The following TTLL1 variants were observed in gnomAD, a reference collection of about 807,000 sequenced individuals.
The protein encoded by TTLL1 is TTL family tubulin polyglutamylase complex subunit L1.
TTLL1 carries 33 observed loss-of-function variants against 47.8 expected under a neutral mutation model. The observed-to-expected ratio is 0.69, with a 90% CI of 0.52 to 0.92. TTLL1 has a LOEUF of 0.92. TTLL1 is among the 40% of genes least tolerant of loss of function. The pLI is 0.00. For missense variants in TTLL1, 488 were observed against 547.5 expected, an observed-to-expected ratio of 0.89 and a Z score of 1.08; for synonymous variants, 225 against 214.1, an observed-to-expected ratio of 1.05 and a Z score of -0.45.
At chr22:43,048,197 A>G (rs1354018602) in intron 9 of TTLL1, among the ~76,000 whole-genome samples, 1 of 151,962 alleles carries the variant, frequency 6.6e-6, no homozygotes, top group Non-Finnish European at 1.5e-5. Flanking sequence ...GGCGCCTGTA[A>G]TCCCAGCCAC....
intron 3 of TTLL1, 103 bp downstream of exon 3, chr22:43,075,371 C>T: frequency 1.1e-6 from 1 of 914,756 alleles, no homozygotes; most frequent in Non-Finnish European, 1.8e-6. Flanking sequence ...GGCACAATGA[C>T]AGGAGACAGT....
intron 10 of TTLL1, among the ~76,000 whole-genome samples, chr22:43,045,442 G>A (rs142175277): frequency 6.7e-6 from 1 of 149,164 alleles, no homozygotes. Context: ...TTTCCTTCCC[G>A]CTCTGTAAAA....
At chr22:43,063,500 C>A (rs1037682105) in intron 7 of TTLL1, among the ~76,000 whole-genome samples, 1 of 149,692 alleles carries the variant, frequency 6.7e-6, no homozygotes, top group Admixed American at 6.7e-5. Context: ...GAGTCTCGCT[C>A]AGTTGTCCAG....
At position 43,081,635 on chromosome 22, in the gene TTLL1, C is replaced by T. The variant is rs186432903; in HGVS notation, c.-89-1649G>A. ...CGCGATCTCAGCTCACTGCAACCTC[C>T]GCCTCCTGGGTTCAAGCATTCTCTG... On this transcript the variant is annotated intron_variant, in intron 1 of 10. Coordinates refer to ENST00000266254, the MANE Select transcript of TTLL1 (RefSeq NM_012263.5). Among the ~76,000 whole-genome samples the T allele has an allele frequency of 6.7e-3, 1,024 of 152,088 alleles. 10 individuals are homozygous for T. Among genetic ancestry groups the T allele is most frequent in the Non-Finnish European group, 0.01 (708 of 67,994 alleles).
chr22:43,081,253 A>C (rs1243855904), intron 1 of TTLL1, among the ~76,000 whole-genome samples: 1 of 151,930 alleles, frequency 6.6e-6, no homozygotes, highest in Admixed American at 6.6e-5. Context: ...GGGCATGCGC[A>C]TCAAAGCCCC....
intron 1 of TTLL1, among the ~76,000 whole-genome samples, chr22:43,082,267 T>C (rs1928948623): frequency 6.6e-6 from 1 of 152,066 alleles, no homozygotes. Context: ...ACCAATAGCT[T>C]GAGTTCTTCC....
intron 1 of TTLL1, among the ~76,000 whole-genome samples, chr22:43,083,092 C>T (rs551876848): frequency 2.0e-5 from 3 of 151,990 alleles, no homozygotes; most frequent in East Asian, 1.9e-4. Flanking sequence ...ATAGGCTGGG[C>T]GCAGCGGCTC....
intron 3 of TTLL1, among the ~76,000 whole-genome samples, chr22:43,070,670 G>A (rs1356363179): frequency 6.6e-6 from 1 of 152,148 alleles, no homozygotes; most frequent in African/African-American, 2.4e-5. Context: ...CAGAAGGAGA[G>A]AGAAAGCGTT....
At chr22:43,051,453 C>T (rs950682868) in intron 9 of TTLL1, among the ~76,000 whole-genome samples, 10 of 152,160 alleles carry the variant, frequency 6.6e-5, no homozygotes, top group African/African-American at 2.4e-4. Flanking sequence ...GAGCTGCTTT[C>T]CTAGATGGGA....
At chr22:43,062,124 T>C (rs964788600) in intron 7 of TTLL1, among the ~76,000 whole-genome samples, 1 of 152,144 alleles carries the variant, frequency 6.6e-6, no homozygotes, top group East Asian at 1.9e-4. Flanking sequence ...ACATAGGTAC[T>C]CAATGGGTAC....
chr22:43,061,179 G>A (rs1051687368), intron 7 of TTLL1, among the ~76,000 whole-genome samples: 1 of 152,184 alleles, frequency 6.6e-6, no homozygotes, highest in Non-Finnish European at 1.5e-5. Context: ...GACAGAGCAA[G>A]ACTCTGTCTA....
chr22:43,078,789 C>A (rs1054245448), intron 2 of TTLL1, among the ~76,000 whole-genome samples: 1 of 152,026 alleles, frequency 6.6e-6, no homozygotes, highest in East Asian at 1.9e-4. Flanking sequence ...TCAGCAGTCA[C>A]ACCAAGATGA....
chr22:43,080,936 A>G (rs1601705045), intron 1 of TTLL1, among the ~76,000 whole-genome samples: 2 of 25,662 alleles, frequency 7.8e-5, no homozygotes, highest in Non-Finnish European at 1.9e-4. Context: ...TTTTTTTTTT[A>G]GACAAAGTCT....
At position 43,079,089 on chromosome 22, in the gene TTLL1, G is replaced by C. The variant is rs74496541; in HGVS notation, c.-5+813C>G. Reference sequence around the variant, plus strand: ...CCACGGGAGCCACACCCCAGAGCGTGAGTCCATCCCACACCCCTCACACCC... The same window carrying C: ...CCACGGGAGCCACACCCCAGAGCGTCAGTCCATCCCACACCCCTCACACCC... On this transcript the variant is annotated intron_variant, in intron 2 of 10. Coordinates refer to ENST00000266254, the MANE Select transcript of TTLL1 (RefSeq NM_012263.5). 2.4e-3 allele frequency among the ~76,000 whole-genome samples: 270 copies of C among 113,296 alleles called. 14 individuals are homozygous for C. Among genetic ancestry groups the C allele is most frequent in the Admixed American group, 0.017 (164 of 9,880 alleles). The allele number at this position is 113,296 out of a possible 152,430, so 74.3% of individuals were successfully genotyped here.
intron 9 of TTLL1, among the ~76,000 whole-genome samples, 161 bp downstream of exon 9, chr22:43,051,640 A>C (rs1926627611): frequency 6.6e-6 from 1 of 152,062 alleles, no homozygotes; most frequent in Admixed American, 6.6e-5. Flanking sequence ...GAATGTGCTT[A>C]TACCTTAACC....
At chr22:43,085,088 T>C (rs137986200) in intron 1 of TTLL1, among the ~76,000 whole-genome samples, 1,901 of 150,862 alleles carry the variant, frequency 0.013, 41 homozygotes, top group African/African-American at 0.044. Context: ...GCGATTCTCC[T>C]GCCTCAGCCT....
At chr22:43,043,310 C>T (rs966292044) in intron 10 of TTLL1, among the ~76,000 whole-genome samples, 1 of 151,916 alleles carries the variant, frequency 6.6e-6, no homozygotes, top group Non-Finnish European at 1.5e-5. Flanking sequence ...AGGCTGGACG[C>T]GGCAGAGGCT....
At chr22:43,086,951 G>A (rs895492613) in intron 1 of TTLL1, among the ~76,000 whole-genome samples, 1 of 152,126 alleles carries the variant, frequency 6.6e-6, no homozygotes, top group Admixed American at 6.6e-5. Flanking sequence ...CATGGCCTAC[G>A]AGGCCAGCCC....
chr22:43,055,088 G>T (rs1926912762), intron 8 of TTLL1, among the ~76,000 whole-genome samples: 2 of 140,472 alleles, frequency 1.4e-5, no homozygotes, highest in African/African-American at 2.7e-5. Context: ...CAGTGGTGTG[G>T]TCTCCACTCA....
Sources: allele counts gnomAD v4.1 joint callset (sites outside exome capture counted in the v4.1 genomes callset), GRCh38; gene constraint gnomAD v4.1.1; transcripts MANE v1.5; gene names NCBI Gene and HGNC (gene_info 2026-07-23, HGNC 2026-07-21).